The following HGD variants were observed in gnomAD, a reference collection of about 807,000 sequenced individuals.
HGD encodes the protein homogentisate oxidase.
In HGD, 61 loss-of-function variants were observed where a neutral mutation model predicts 60.8. The observed-to-expected ratio is 1.00, with a 90% CI of 0.82 to 1.24. HGD has a LOEUF of 1.24. HGD is among the 50% of genes most tolerant of loss of function. HGD has a pLI of 0.00. For missense variants in HGD, 542 were observed against 547.1 expected (o/e 0.99, Z 0.09); for synonymous variants, 212 against 187.7 (o/e 1.13, Z -1.06).
At chr3:120,631,358 T>C (rs1940586382) in intron 13 of HGD, among the ~76,000 whole-genome samples, 2 of 152,128 alleles carry the variant, frequency 1.3e-5, no homozygotes, top group African/African-American at 2.4e-5. Context: ...AAGAATATAA[T>C]TGGATTGTTT....
At position 120,670,466 on chromosome 3, in the gene HGD, G is replaced by T. The variant is rs377043265; in HGVS notation, c.243C>A (p.Val81=). The T allele has an allele frequency of 2.5e-6, 4 of 1,609,566 alleles. No individual in the cohort carries two copies. Among genetic ancestry groups the T allele is most frequent in the Non-Finnish European group, 3.4e-6 (4 of 1,176,024 alleles). Residue 81 remains valine, a synonymous_variant, in exon 4 of 14, where the codon GTC becomes GTA. Transcript: ENST00000283871. ...GATCAACTTCATCCCAGTTGTGAGT[G>T]ACTTGGCCTTCGTCAATGGATTCAA... ...KPFESIDEGQ[V]THNWDEVDPD...
intron 3 of HGD, among the ~76,000 whole-genome samples, chr3:120,672,381 T>A (rs1708042590): frequency 6.6e-6 from 1 of 152,128 alleles, no homozygotes; most frequent in African/African-American, 2.4e-5. Context: ...TGAAGCTCAC[T>A]AAGAGGGACC....
In HGD at chr3:120,644,231, T is replaced by C. The variant is rs984276058; in HGVS notation, c.774+88A>G. 1.3e-5 allele frequency: 20 copies of C among 1,484,872 alleles called. 1 individual carries two copies. The highest frequency in any genetic ancestry group is 4.2e-4 in the Middle Eastern group (2 of 4,714). The allele number at this position is 1,484,872 out of a possible 1,614,324, so 92.0% of individuals were successfully genotyped here. A position where few individuals can be genotyped will look rare whatever the true frequency, so the allele number is the denominator to read the frequency against. ...GGTATGATAACAACGAAAGGATATA[T>C]GTAAAGTTTGTAACACTCGCCTTGG... On this transcript the variant is annotated intron_variant, in intron 10 of 13. Coordinates refer to ENST00000283871, the MANE Select transcript of HGD (RefSeq NM_000187.4).
chr3:120,658,921 G>A (rs1431070603), intron 4 of HGD, among the ~76,000 whole-genome samples: 1 of 152,226 alleles, frequency 6.6e-6, no homozygotes, highest in African/African-American at 2.4e-5. Context: ...TGGAGCAGCT[G>A]GGATGCAGAA....
chr3:120,680,759 T>G lies in HGD; in HGVS notation c.15+1338A>C, dbSNP rs527938001. 5.9e-5 allele frequency among the ~76,000 whole-genome samples: 9 copies of G among 152,286 alleles called. No individual in the cohort carries two copies. In the East Asian group the frequency reaches 1.4e-3, roughly 23 times the overall value. On this transcript the variant is annotated intron_variant, in intron 1 of 13. Coordinates refer to ENST00000283871, the MANE Select transcript of HGD (RefSeq NM_000187.4). ...GGCTGTCCCTCCATCAACTCAAATT[T>G]GGCTGACACAGTTTTGGATTCTAGA...
chr3:120,670,355 G>T (rs541677650), intron 4 of HGD, 72 bp downstream of exon 4: 3 of 806,626 alleles, frequency 3.7e-6, no homozygotes, highest in Admixed American at 1.7e-5. Context: ...CAATGACCAT[G>T]GTATTCTATT....
At chr3:120,679,962 C>T (rs775982164) in intron 1 of HGD, among the ~76,000 whole-genome samples, 11 of 152,114 alleles carry the variant, frequency 7.2e-5, no homozygotes, top group Non-Finnish European at 7.3e-5. Context: ...AAATCAGTTA[C>T]GTAGAATAGT....
intron 1 of HGD, among the ~76,000 whole-genome samples, chr3:120,679,523 T>C (rs2251584): frequency 0.43 from 65,860 of 151,934 alleles, 15,335 homozygotes; most frequent in African/African-American, 0.6. Flanking sequence ...GTGAGTATTA[T>C]CTTTTCTAGC....
In HGD at chr3:120,628,438, C is replaced by T; in HGVS notation, c.1280G>A (p.Trp427Ter). The T allele has an allele frequency of 3.1e-6, 5 of 1,614,028 alleles. No individual in the cohort carries two copies. Among genetic ancestry groups the T allele is most frequent in the Non-Finnish European group, 4.2e-6 (5 of 1,179,978 alleles). The change falls in exon 14 of 14, where the codon TGG becomes TAG. Residue 427 changes from tryptophan (W) to a stop codon, truncating the protein, a stop_gained. Coordinates refer to ENST00000283871, the MANE Select transcript of HGD (RefSeq NM_000187.4). LOFTEE classifies it high-confidence loss of function. ...AGTGAAGTGGCTCTTGAGTGGCTCC[C>T]AGCACTTGTGGTAGTTCTCATCCAA... ...RCLDENYHKCWEPLKSHFTPN... is the reference protein window; with the variant it reads ...RCLDENYHKC
intron 9 of HGD, 185 bp from the exon 10 acceptor site, chr3:120,644,628 A>G: frequency 6.5e-7 from 1 of 1,527,432 alleles, no homozygotes; most frequent in South Asian, 1.2e-5. Flanking sequence ...ATCTGGTCAG[A>G]AAAAAATTCA....
chr3:120,656,048 A>G (rs2107526791), intron 4 of HGD, among the ~76,000 whole-genome samples: 1 of 152,344 alleles, frequency 6.6e-6, no homozygotes, highest in Non-Finnish European at 1.5e-5. Context: ...AAGTTAAAAG[A>G]GATCATAAAT....
rs1248906056 is a variant in HGD at position 120,670,550 on chromosome 3, C to A, written c.177-18G>T. 1 of 1,295,834 alleles carries A rather than the reference C, an allele frequency of 7.7e-7. No homozygotes were observed. The highest frequency in any genetic ancestry group is 1.1e-6 in the Non-Finnish European group (1 of 889,890). 80.3% of individuals were successfully genotyped at this position (1,295,834 alleles called of 1,614,324 possible). A position where few individuals can be genotyped will look rare whatever the true frequency, so the allele number is the denominator to read the frequency against. On this transcript the variant is annotated intron_variant, in intron 3 of 13. Coordinates refer to ENST00000283871, the MANE Select transcript of HGD (RefSeq NM_000187.4). ...ACAGCCAGCTAGAGGGAAAAACATACAAGATATACAAGCCTTAGAGTAATG... is the reference window on the plus strand; with the variant it reads ...ACAGCCAGCTAGAGGGAAAAACATAAAAGATATACAAGCCTTAGAGTAATG...
At chr3:120,660,386 T>A (rs1941625603) in intron 4 of HGD, among the ~76,000 whole-genome samples, 1 of 152,214 alleles carries the variant, frequency 6.6e-6, no homozygotes, top group Non-Finnish European at 1.5e-5. Flanking sequence ...CTTGAATTCT[T>A]CAGAAACTTT....
Position 120,644,342 on chromosome 3 carries a change from C to T in HGD, c.751G>A (p.Gly251Ser). 1 of 1,614,056 alleles carries T rather than the reference C, an allele frequency of 6.2e-7. No homozygotes were observed. Among genetic ancestry groups the T allele is most frequent in the Non-Finnish European group, 8.5e-7 (1 of 1,180,002 alleles). ...GGYTVINKYQ[G>S]KLFAAKQDVS... ...ACCTGTTTGGCAGCAAACAGCTTGC[C>T]CTGGTATTTATTAATGACCGTGTAA... The change falls in exon 10 of 14, where the codon GGC becomes AGC. Residue 251 changes from glycine to serine, a missense_variant. By Grantham distance (56) the Gly-to-Ser change is moderately conservative. Around this residue, in one of 2 missense-constraint regions of HGD, gnomAD observed 537 missense variants for 529.1 expected, o/e 1.01. Coordinates refer to ENST00000283871, the MANE Select transcript of HGD (RefSeq NM_000187.4).
intron 1 of HGD, among the ~76,000 whole-genome samples, chr3:120,681,618 G>A (rs1302543429): frequency 6.6e-6 from 1 of 152,216 alleles, no homozygotes; most frequent in African/African-American, 2.4e-5. Context: ...CTTTTCAATT[G>A]CGTATTACTA....
At chr3:120,672,337 C>T (rs1484235515) in intron 3 of HGD, among the ~76,000 whole-genome samples, 2 of 152,028 alleles carry the variant, frequency 1.3e-5, no homozygotes, top group Non-Finnish European at 2.9e-5. Flanking sequence ...GAAAGGACAC[C>T]AGGATAAGAC....
intron 4 of HGD, among the ~76,000 whole-genome samples, chr3:120,667,326 C>CAAAAAAAAAAAAAAAAAAAAA (rs71133514): frequency 1.7e-5 from 1 of 60,046 alleles, no homozygotes. Flanking sequence ...ACTCTTGTCT[C>CAAAAAAAAAAAAAAAAAAAAA]AAAAAAAAAA....
chr3:120,654,985 C>A (rs1006515652), intron 4 of HGD, among the ~76,000 whole-genome samples: 25 of 152,240 alleles, frequency 1.6e-4, no homozygotes, highest in Admixed American at 4.6e-4. Flanking sequence ...GCAGAAGAAT[C>A]TTCTGAACCT....
chr3:120,662,082 C>A (rs551758595), intron 4 of HGD, among the ~76,000 whole-genome samples: 4 of 152,022 alleles, frequency 2.6e-5, no homozygotes, highest in African/African-American at 9.7e-5. Flanking sequence ...GATAAAATGA[C>A]GATGGTTCTA....
Sources: gnomAD v4.1 joint callset for allele counts (sites outside exome capture counted in the v4.1 genomes callset) on GRCh38, gnomAD v4.1.1 for gene constraint, gnomAD v4.1.1 regional missense constraint, MANE v1.5 for transcripts, NCBI Gene and HGNC (gene_info 2026-07-23, HGNC 2026-07-21) for gene names.